Variants in DRAXIN observed in about 807,000 individuals in gnomAD.
DRAXIN encodes the protein dorsal repulsive axon guidance protein.
DRAXIN carries 27 observed loss-of-function variants against 33.9 expected under a neutral mutation model. That is an observed-to-expected ratio of 0.80 (90% CI 0.59 to 1.10). The LOEUF is 1.10. Among genes scored for constraint, DRAXIN ranks in the 50% least tolerant of loss-of-function variants. The probability of loss-of-function intolerance (pLI) is 0.00; values close to 1 mark genes in which losing one functional copy is unlikely to be tolerated. For synonymous variants in DRAXIN, 178 were observed against 194.0 expected (o/e 0.92, Z 0.69); for missense variants, 371 against 460.8 (o/e 0.81, Z 1.78).
In DRAXIN at chr1:11,716,847, A is replaced by T. The variant is rs146913924; in HGVS notation, c.937+1639A>T. On this transcript the variant is annotated intron_variant, in intron 6 of 6. Coordinates refer to ENST00000294485, the MANE Select transcript of DRAXIN (RefSeq NM_198545.4). Reference sequence around the variant, plus strand: ...CATCTAATCAGTTAAATATTTAGGGAGCACCTACTGCGTATCAGACATTGC... The same window carrying T: ...CATCTAATCAGTTAAATATTTAGGGTGCACCTACTGCGTATCAGACATTGC... Among the ~76,000 whole-genome samples the T allele has an allele frequency of 4.1e-4, 63 of 152,312 alleles. No individual in the cohort carries two copies. The East Asian group carries it at 0.012, about 28-fold the overall frequency.
At chr1:11,717,150 G>C (rs1042187865) in intron 6 of DRAXIN, among the ~76,000 whole-genome samples, 4 of 151,384 alleles carry the variant, frequency 2.6e-5, no homozygotes, top group Non-Finnish European at 5.9e-5. Context: ...GGGCATGGTG[G>C]CACTTGCCTG....
intron 5 of DRAXIN, 48 bp from the exon 6 acceptor site, chr1:11,715,071 G>A (rs752469578): frequency 3.7e-6 from 6 of 1,602,702 alleles, no homozygotes; most frequent in East Asian, 2.2e-5. Flanking sequence ...GGGCTGCGGG[G>A]AGGGGCGGCT....
rs1553171600 is a variant in DRAXIN, at chr1:11,720,613, A to AAAAAAAAAG, written c.*917_*918insAAAAAAAAG. 4.4e-5 allele frequency: 6 copies of AAAAAAAAAG among 137,090 alleles called. 2 individuals are homozygous for AAAAAAAAAG. The allele number at this position is 137,090 out of a possible 1,614,324, so 8.5% of individuals were successfully genotyped here. On this transcript the variant is annotated 3_prime_UTR_variant, in exon 7 of 7. Coordinates refer to ENST00000294485, the MANE Select transcript of DRAXIN (RefSeq NM_198545.4). ...CATCTCAAAAAAAAAAAAAAAAAAA[A>AAAAAAAAAG]GCACATCTGACTCAGTGGGCTCTGT...
At position 11,721,084 on chromosome 1, in the gene DRAXIN, G is replaced by A. The variant is rs1440095461; in HGVS notation, c.*1388G>A. Reference sequence around the variant, plus strand: ...TCCAGTCCTGGACAGGCACTTTACAGTTTTCTGGAGCACTTCCCCCCCAGG... The same window carrying A: ...TCCAGTCCTGGACAGGCACTTTACAATTTTCTGGAGCACTTCCCCCCCAGG... On this transcript the variant is annotated 3_prime_UTR_variant, in exon 7 of 7. Coordinates refer to ENST00000294485, the MANE Select transcript of DRAXIN (RefSeq NM_198545.4). The A allele has an allele frequency of 1.3e-5, 2 of 152,154 alleles. No individual in the cohort carries two copies. The highest frequency in any genetic ancestry group is 4.8e-5 in the African/African-American group (2 of 41,436). The allele number at this position is 152,154 out of a possible 1,614,324, so 9.4% of individuals were successfully genotyped here. A position where few individuals can be genotyped will look rare whatever the true frequency, so the allele number is the denominator to read the frequency against.
At chr1:11,710,680 C>T (rs1255357945) in intron 3 of DRAXIN, among the ~76,000 whole-genome samples, 12 of 149,110 alleles carry the variant, frequency 8.0e-5, no homozygotes, top group East Asian at 7.9e-4. Flanking sequence ...TTTGGGAGGC[C>T]AAGGCGGGCA....
At position 11,711,546 on chromosome 1, in the gene DRAXIN, G is replaced by A. The variant is rs188338933; in HGVS notation, c.643-305G>A. On this transcript the variant is annotated intron_variant, in intron 3 of 6. Transcript: ENST00000294485. The stretch of plus-strand genomic sequence containing the variant: ...GGGCTTAAAGACCCTGGGCAAGCAA[G>A]GTTGCCTTCCCAGCCTGCAGGTGGT... 3.3e-3 allele frequency among the ~76,000 whole-genome samples: 504 copies of A among 152,362 alleles called. 10 individuals are homozygous for A. Among genetic ancestry groups the A allele is most frequent in the Non-Finnish European group, 4.6e-4 (31 of 68,036 alleles).
At chr1:11,710,602 G>C (rs1228167716) in intron 3 of DRAXIN, among the ~76,000 whole-genome samples, 1 of 152,036 alleles carries the variant, frequency 6.6e-6, no homozygotes, top group Non-Finnish European at 1.5e-5. Flanking sequence ...CATCGTTCTT[G>C]CACCTCTTCT....
chr1:11,717,789 C>A (rs571411134), intron 6 of DRAXIN, among the ~76,000 whole-genome samples: 1 of 143,138 alleles, frequency 7.0e-6, no homozygotes, highest in South Asian at 2.2e-4. Context: ...TGGAGACCAG[C>A]CTTGGCAAGG....
At position 11,709,400 on chromosome 1, in the gene DRAXIN, A is replaced by G; in HGVS notation, c.577A>G (p.Thr193Ala). 1 of 1,609,080 alleles carries G rather than the reference A, an allele frequency of 6.2e-7. No individual in the cohort carries two copies. The highest frequency in any genetic ancestry group is 8.5e-7 in the Non-Finnish European group (1 of 1,177,068). The change falls in exon 3 of 7, where the codon ACC becomes GCC. Residue 193 changes from threonine to alanine, a missense_variant. Coordinates refer to ENST00000294485, the MANE Select transcript of DRAXIN (RefSeq NM_198545.4). The part of the protein sequence containing the change: ...SLAPTMFFLT[T>A]FEAAPATEES... ...GGCGCCCACCATGTTCTTTCTCACC[A>G]CCTTTGAGGCAGCACCTGCCACAGA...
intron 2 of DRAXIN, among the ~76,000 whole-genome samples, chr1:11,707,019 G>C (rs1641395235): frequency 6.6e-6 from 1 of 152,080 alleles, no homozygotes; most frequent in African/African-American, 2.4e-5. Context: ...CGAGACCACG[G>C]TGAAACCCCG....
chr1:11,690,522 G>A (rs1447746371), upstream of DRAXIN, among the ~76,000 whole-genome samples: 3 of 152,218 alleles, frequency 2.0e-5, no homozygotes. The surrounding 1 kb of genome is among the most constrained non-coding windows in gnomAD (Gnocchi z 4.2). Context: ...CGAGGTCATA[G>A]GGGACGGCAT....
At position 11,706,597 on chromosome 1, in the gene DRAXIN, G is replaced by A; in HGVS notation, c.339G>A (p.Leu113=). The A allele has an allele frequency of 1.2e-6, 2 of 1,605,792 alleles. No individual in the cohort carries two copies. Among genetic ancestry groups the A allele is most frequent in the Non-Finnish European group, 1.7e-6 (2 of 1,179,446 alleles). ...TGCTGCAGGACAAGGACCTGCTCCT[G>A]GGACTGGCATTGCCCTACCCCGAGA... ...AGLLQDKDLL[L]GLALPYPEKE... The change falls in exon 2 of 7, where the codon CTG becomes CTA. Residue 113 remains leucine (L), a synonymous_variant. Transcript: ENST00000294485. This position sits in a 1 kb window ranked among gnomAD's most constrained non-coding sequence, Gnocchi z 5.5.
chr1:11,699,171 T>G (rs952169416), intron 1 of DRAXIN, among the ~76,000 whole-genome samples: 1 of 152,176 alleles, frequency 6.6e-6, no homozygotes, highest in South Asian at 2.1e-4. Flanking sequence ...TGGGACCACC[T>G]AATCCAATGG....
intron 3 of DRAXIN, among the ~76,000 whole-genome samples, chr1:11,711,311 C>T (rs542255040): frequency 1.3e-5 from 2 of 152,346 alleles, no homozygotes; most frequent in South Asian, 4.1e-4. Context: ...TGCCCATGCC[C>T]TAGTGCTCGC....
At position 11,711,857 on chromosome 1, in the gene DRAXIN, C is replaced by T; in HGVS notation, c.649C>T (p.Gln217Ter). The T allele has an allele frequency of 6.2e-7, 1 of 1,612,812 alleles. No individual in the cohort carries two copies. The highest frequency in any genetic ancestry group is 1.1e-5 in the South Asian group (1 of 90,684). ...CCTTCTCCACGGTCTCCAGCAGGCA[C>T]AGCCCAGGTCTGACGGGGAGGTGAT... ...PVTSLRPQQA[Q>*]PRSDGEVMPT... Residue 217 changes from glutamine (Q) to a stop codon, truncating the protein, a stop_gained, in exon 4 of 7, where the codon CAG (glutamine) becomes TAG (stop). Coordinates refer to ENST00000294485, the MANE Select transcript of DRAXIN (RefSeq NM_198545.4). LOFTEE classifies it high-confidence loss of function.
Position 11,723,719 on chromosome 1 carries a change from C to A in DRAXIN, c.*4023C>A, listed in dbSNP as rs4846030. ...GTGATTCTCCCGCCTCAGCCTCTCGCGTACCTGGGATTATAGGCAAGCATC... is the reference window on the plus strand; with the variant it reads ...GTGATTCTCCCGCCTCAGCCTCTCGAGTACCTGGGATTATAGGCAAGCATC... On this transcript the variant is annotated 3_prime_UTR_variant, in exon 7 of 7. Coordinates refer to ENST00000294485, the MANE Select transcript of DRAXIN (RefSeq NM_198545.4). 70,495 of 151,482 alleles carry A rather than the reference C, an allele frequency of 0.47. 16,649 individuals are homozygous for A. Among genetic ancestry groups the A allele is most frequent in the East Asian group, 0.64 (3,291 of 5,158 alleles). The allele number at this position is 151,482 out of a possible 1,614,324, so 9.4% of individuals were successfully genotyped here.
chr1:11,715,110 T>G lies in DRAXIN; in HGVS notation c.848-9T>G. 2 of 1,614,204 alleles carry G rather than the reference T, an allele frequency of 1.2e-6. No homozygotes were observed. The highest frequency in any genetic ancestry group is 1.7e-6 in the Non-Finnish European group (2 of 1,180,026). ...CTTGGCTGACTGCGTGTGCTCTCTG[T>G]GTTGGCAGGGACTTGCTGCGACCTG... On this transcript the variant is annotated splice_polypyrimidine_tract_variant and intron_variant, in intron 5 of 6. Coordinates refer to ENST00000294485, the MANE Select transcript of DRAXIN (RefSeq NM_198545.4).
intron 5 of DRAXIN, 123 bp downstream of exon 5, chr1:11,712,552 TAAC>T (rs1641510952): frequency 1.1e-6 from 1 of 907,940 alleles, no homozygotes; most frequent in Non-Finnish European, 1.7e-6. Context: ...TGATAAATAA[TAAC>T]AACAGCTGCC....
rs750712879 is a variant in DRAXIN at position 11,711,888 on chromosome 1, C to T, written c.680C>T (p.Thr227Met). 1.1e-5 allele frequency: 18 copies of T among 1,613,752 alleles called. No individual in the cohort carries two copies. The highest frequency in any genetic ancestry group is 6.7e-5 in the East Asian group (3 of 44,894). The change falls in exon 4 of 7, where the codon ACG (threonine) becomes ATG (methionine). Residue 227 changes from threonine (T) to methionine (M), a missense_variant. Thr to Met is a moderately conservative substitution (Grantham distance 81, BLOSUM62 -1). Coordinates refer to ENST00000294485, the MANE Select transcript of DRAXIN (RefSeq NM_198545.4). ...QPRSDGEVMP[T>M]LDMALFDWTD... ...AGGTCTGACGGGGAGGTGATGCCCACGCTGGACATGGCCTTGTTCGACTGG... is the reference window on the plus strand; with the variant it reads ...AGGTCTGACGGGGAGGTGATGCCCATGCTGGACATGGCCTTGTTCGACTGG...
Sources: allele counts gnomAD v4.1 joint callset (sites outside exome capture counted in the v4.1 genomes callset), GRCh38; gene constraint gnomAD v4.1.1; non-coding constraint Gnocchi (gnomAD v3.1); transcripts MANE v1.5; gene names NCBI Gene and HGNC (gene_info 2026-07-23, HGNC 2026-07-21).